The following ADORA2A variants were observed in gnomAD, a reference collection of about 807,000 sequenced individuals.
ADORA2A encodes the protein adenosine receptor A2a.
In ADORA2A, 11 loss-of-function variants were observed where a neutral mutation model predicts 18.4. The ratio of observed to expected loss-of-function variants is 0.60; its 90% CI spans 0.38 to 0.99. The LOEUF (loss-of-function observed/expected upper bound fraction) is 0.99. ADORA2A is among the 50% of genes least tolerant of loss of function. The probability of loss-of-function intolerance (pLI) is 0.01; values close to 1 mark genes in which losing one functional copy is unlikely to be tolerated. For missense variants in ADORA2A, 449 were observed against 556.1 expected, an observed-to-expected ratio of 0.81 and a Z score of 1.94; for synonymous variants, 218 against 237.3, an observed-to-expected ratio of 0.92 and a Z score of 0.75.
chr22:24,428,174 G>T (rs1487331175), intron 1 of ADORA2A, among the ~76,000 whole-genome samples: 6 of 152,192 alleles, frequency 3.9e-5, no homozygotes, highest in Admixed American at 3.9e-4. Flanking sequence ...TGGGGATCCT[G>T]GGGCCCTGGG....
At chr22:24,436,303 G>A (rs1016263531) in intron 2 of ADORA2A, among the ~76,000 whole-genome samples, 4 of 152,140 alleles carry the variant, frequency 2.6e-5, no homozygotes, top group Non-Finnish European at 4.4e-5. Context: ...TCTCAGCTGG[G>A]AATCCAGCCT....
At chr22:24,425,202 G>A (rs1181131155), upstream of ADORA2A, among the ~76,000 whole-genome samples, 1 of 151,676 alleles carries the variant, frequency 6.6e-6, no homozygotes, top group Non-Finnish European at 1.5e-5. Flanking sequence ...CAGCCCTGGG[G>A]ACCATGGTGG....
chr22:24,438,231 G>A (rs1194732074), intron 2 of ADORA2A: 2 of 152,222 alleles, frequency 1.3e-5, no homozygotes, highest in Admixed American at 6.5e-5. Flanking sequence ...ACAGGTCCAC[G>A]ACTTGGTCCC....
rs1419568853 is a variant in ADORA2A at position 24,441,231 on chromosome 22, T to C, written c.981T>C (p.His327=). The C allele has an allele frequency of 2.5e-6, 4 of 1,613,846 alleles. No homozygotes were observed. The highest frequency in any genetic ancestry group is 3.3e-5 in the Admixed American group (2 of 60,020). The change falls in exon 3 of 3, where the codon CAT becomes CAC. Residue 327 remains histidine, a synonymous_variant. Transcript: ENST00000337539. The stretch of plus-strand genomic sequence containing the variant: ...CCAGTGCCCGGGTCTTGGCAGCTCA[T>C]GGCAGTGACGGAGAGCAGGTCAGCC... The part of the protein sequence containing the change: ...AGTSARVLAA[H]GSDGEQVSLR...
intron 2 of ADORA2A, 92 bp downstream of exon 2, chr22:24,433,828 C>T: frequency 7.1e-7 from 1 of 1,412,568 alleles, no homozygotes; most frequent in South Asian, 1.3e-5. Flanking sequence ...GGATCAGGGC[C>T]TGGTCTGCAG....
At position 24,441,245 on chromosome 22, in the gene ADORA2A, A is replaced by G. The variant is rs912751002; in HGVS notation, c.995A>G (p.Glu332Gly). The stretch of plus-strand genomic sequence containing the variant: ...TTGGCAGCTCATGGCAGTGACGGAG[A>G]GCAGGTCAGCCTCCGTCTCAACGGC... Reference protein sequence around the residue: ...RVLAAHGSDGEQVSLRLNGHP... With the variant: ...RVLAAHGSDGGQVSLRLNGHP... The change falls in exon 3 of 3, where the codon GAG (glutamate) becomes GGG (glycine). Residue 332 changes from glutamate to glycine, a missense_variant. Glu to Gly is a moderately conservative substitution (Grantham distance 98). Coordinates refer to ENST00000337539, the MANE Select transcript of ADORA2A (RefSeq NM_000675.6). The G allele has an allele frequency of 8.1e-6, 13 of 1,613,450 alleles. No homozygotes were observed. Among genetic ancestry groups the G allele is most frequent in the Non-Finnish European group, 9.3e-6 (11 of 1,179,980 alleles).
At position 24,440,907 on chromosome 22, in the gene ADORA2A, G is replaced by A. The variant is rs2146929052; in HGVS notation, c.657G>A (p.Glu219=). ...TGGAGAGCCAGCCTCTGCCGGGGGA[G>A]CGGGCACGGTCCACACTGCAGAAGG... is the stretch of plus-strand genomic sequence containing the variant. The part of the protein sequence containing the change: ...KQMESQPLPG[E]RARSTLQKEV... The change falls in exon 3 of 3, where the codon GAG becomes GAA. Residue 219 remains glutamate, a synonymous_variant. Coordinates refer to ENST00000337539, the MANE Select transcript of ADORA2A (RefSeq NM_000675.6). 6.2e-7 allele frequency: 1 copy of A among 1,614,058 alleles called. No homozygotes were observed. Among genetic ancestry groups the A allele is most frequent in the East Asian group, 2.2e-5 (1 of 44,896 alleles).
intron 2 of ADORA2A, among the ~76,000 whole-genome samples, chr22:24,440,067 G>A (rs1173195843): frequency 2.6e-5 from 4 of 152,148 alleles, no homozygotes; most frequent in African/African-American, 4.8e-5. Context: ...CTATAGGTCT[G>A]ATCTGGCTGG....
chr22:24,437,529 T>G (rs2043210356), intron 2 of ADORA2A, among the ~76,000 whole-genome samples: 3 of 152,020 alleles, frequency 2.0e-5, no homozygotes, highest in South Asian at 4.2e-4. Context: ...ACTTAGTCTA[T>G]TTGCAATTTA....
At chr22:24,427,010 T>A (rs2042925667), upstream of ADORA2A, among the ~76,000 whole-genome samples, 1 of 152,202 alleles carries the variant, frequency 6.6e-6, no homozygotes, top group African/African-American at 2.4e-5. Flanking sequence ...GATGTGCCGC[T>A]GCAGCCCTGG....
At chr22:24,439,072 C>CCTTTT (rs1555878299) in intron 2 of ADORA2A, among the ~76,000 whole-genome samples, 1 of 73,094 alleles carries the variant, frequency 1.4e-5, no homozygotes, top group East Asian at 5.9e-4. Flanking sequence ...CCCCTTGCAC[C>CCTTTT]TTTTTTTTTT....
At position 24,441,384 on chromosome 22, in the gene ADORA2A, G is replaced by A. The variant is rs1489097773; in HGVS notation, c.1134G>A (p.Thr378=). Residue 378 remains threonine (T), a synonymous_variant, in exon 3 of 3, where the codon ACG becomes ACA. Transcript: ENST00000337539. ...GGSAQESQGN[T]GLPDVELLSH... The stretch of plus-strand genomic sequence containing the variant: ...GTGCCCAAGAGTCCCAGGGGAACAC[G>A]GGCCTCCCAGACGTGGAGCTCCTTA... The A allele has an allele frequency of 4.5e-6, 7 of 1,570,742 alleles. No individual in the cohort carries two copies. Among genetic ancestry groups the A allele is most frequent in the East Asian group, 2.2e-5 (1 of 44,494 alleles).
chr22:24,437,714 TTAA>T (rs1401636393), intron 2 of ADORA2A, among the ~76,000 whole-genome samples: 1 of 152,254 alleles, frequency 6.6e-6, no homozygotes, highest in African/African-American at 2.4e-5. Flanking sequence ...GCAAGTGCTA[TTAA>T]TGTATGTTTT....
At position 24,441,239 on chromosome 22, in the gene ADORA2A, A is replaced by G. The variant is rs748988472; in HGVS notation, c.989A>G (p.Asp330Gly). 4 of 1,613,550 alleles carry G rather than the reference A, an allele frequency of 2.5e-6. No individual in the cohort carries two copies. Among genetic ancestry groups the G allele is most frequent in the Non-Finnish European group, 2.5e-6 (3 of 1,180,006 alleles). Residue 330 changes from aspartate to glycine, a missense_variant, in exon 3 of 3, where the codon GAC becomes GGC. Transcript: ENST00000337539. The part of the protein sequence containing the change: ...SARVLAAHGS[D>G]GEQVSLRLNG... ...CGGGTCTTGGCAGCTCATGGCAGTG[A>G]CGGAGAGCAGGTCAGCCTCCGTCTC...
intron 2 of ADORA2A, among the ~76,000 whole-genome samples, chr22:24,438,941 C>G (rs1209388862): frequency 1.3e-5 from 2 of 152,092 alleles, no homozygotes; most frequent in Admixed American, 1.3e-4. Flanking sequence ...CGCTGAAGAC[C>G]AGGTAAACGC....
chr22:24,434,752 C>G (rs1376121940), intron 2 of ADORA2A, among the ~76,000 whole-genome samples: 1 of 152,188 alleles, frequency 6.6e-6, no homozygotes, highest in Non-Finnish European at 1.5e-5. Flanking sequence ...GGTGCCCCAG[C>G]AGGAAGGAGG....
chr22:24,433,813 G>C, intron 2 of ADORA2A, 77 bp downstream of exon 2: 1 of 1,478,562 alleles, frequency 6.8e-7, no homozygotes, highest in Middle Eastern at 1.8e-4. Flanking sequence ...GCCAGGGTGA[G>C]CCTGGGATCA....
rs149670419 is a variant in ADORA2A at position 24,441,176 on chromosome 22, G to A, written c.926G>A (p.Arg309Lys). 1 of 1,614,192 alleles carries A rather than the reference G, an allele frequency of 6.2e-7. No individual in the cohort carries two copies. The highest frequency in any genetic ancestry group is 8.5e-7 in the Non-Finnish European group (1 of 1,180,050). Residue 309 changes from arginine (R) to lysine (K), a missense_variant, in exon 3 of 3, where the codon AGG (arginine) becomes AAG (lysine). Arg to Lys is a conservative substitution (Grantham distance 26). Coordinates refer to ENST00000337539, the MANE Select transcript of ADORA2A (RefSeq NM_000675.6). ...AAGATCATTCGCAGCCACGTCCTGA[G>A]GCAGCAAGAACCTTTCAAGGCAGCT... ...FRKIIRSHVL[R>K]QQEPFKAAGT...
In ADORA2A at chr22:24,433,735, C is replaced by G. The variant is rs773743606; in HGVS notation, c.331C>G (p.Arg111Gly). The G allele has an allele frequency of 5.0e-6, 8 of 1,603,962 alleles. No individual in the cohort carries two copies. The highest frequency in any genetic ancestry group is 5.9e-6 in the Non-Finnish European group (7 of 1,179,474). The stretch of plus-strand genomic sequence containing the variant: ...CTACATTGCCATCCGCATCCCGCTC[C>G]GGTGAGCAGGGCCGGGGTTACATCT... ...DRYIAIRIPLRYNGLVTGTRA... is the reference protein window; with the variant it reads ...DRYIAIRIPLGYNGLVTGTRA... Residue 111 changes from arginine to glycine, a missense_variant and splice_region_variant, in exon 2 of 3, where the codon CGG (arginine) becomes GGG (glycine). By Grantham distance (125) the Arg-to-Gly change is moderately radical. Coordinates refer to ENST00000337539, the MANE Select transcript of ADORA2A (RefSeq NM_000675.6).
Sources: gnomAD v4.1 joint callset for allele counts (sites outside exome capture counted in the v4.1 genomes callset) on GRCh38, gnomAD v4.1.1 for gene constraint, MANE v1.5 for transcripts, NCBI Gene and HGNC (gene_info 2026-07-23, HGNC 2026-07-21) for gene names.